Variants in SETBP1 observed in about 807,000 individuals in gnomAD.
The protein encoded by SETBP1 is SET-binding protein.
Under a neutral mutation model 101.0 loss-of-function variants are expected in SETBP1, and 9 were observed. That is an observed-to-expected ratio of 0.09 (90% CI 0.05 to 0.16). The LOEUF is 0.16. Among genes scored for constraint, SETBP1 ranks in the 10% least tolerant of loss-of-function variants. SETBP1 has a pLI of 1.00. For missense variants in SETBP1, 1,858 were observed against 2,033.8 expected, an observed-to-expected ratio of 0.91 and a Z score of 1.66; for synonymous variants, 818 against 788.5, an observed-to-expected ratio of 1.04 and a Z score of -0.63.
chr18:44,963,683 G>T (rs1188463024), intron 4 of SETBP1, among the ~76,000 whole-genome samples: 4 of 151,890 alleles, frequency 2.6e-5, no homozygotes, highest in Non-Finnish European at 5.9e-5. Flanking sequence ...GGGCCCAGGA[G>T]TTCAAAACCA....
intron 2 of SETBP1, among the ~76,000 whole-genome samples, chr18:44,816,344 G>C (rs1568161558): frequency 1.3e-5 from 2 of 152,194 alleles, no homozygotes; most frequent in Non-Finnish European, 2.9e-5. Flanking sequence ...GAAAGCCTGA[G>C]GGGCCAGGCT....
At chr18:45,056,337 G>T (rs1409152256) in intron 5 of SETBP1, among the ~76,000 whole-genome samples, 1 of 152,174 alleles carries the variant, frequency 6.6e-6, no homozygotes, top group Non-Finnish European at 1.5e-5. Context: ...CACCCTGAAA[G>T]CCAGTGAGAT....
chr18:44,842,891 A>G lies in SETBP1; in HGVS notation c.487-26339A>G, dbSNP rs149913171. The stretch of plus-strand genomic sequence containing the variant: ...GGATTTCCATTGGCTGTTTAGTCAC[A>G]ACCACTGGAAGATGCTGAGGTCATC... On this transcript the variant is annotated intron_variant, in intron 2 of 5. Transcript: ENST00000649279. Among the ~76,000 whole-genome samples the G allele has an allele frequency of 2.8e-3, 419 of 152,340 alleles. 2 individuals carry two copies. Among genetic ancestry groups the G allele is most frequent in the Non-Finnish European group, 4.2e-3 (287 of 68,030 alleles).
chr18:44,809,561 T>A (rs775902361), intron 2 of SETBP1, among the ~76,000 whole-genome samples: 1 of 152,172 alleles, frequency 6.6e-6, no homozygotes, highest in Non-Finnish European at 1.5e-5. Flanking sequence ...AAGTTACCCA[T>A]GGCCTTTAGT....
chr18:44,891,198 G>C (rs557313593), intron 3 of SETBP1, among the ~76,000 whole-genome samples: 1 of 152,176 alleles, frequency 6.6e-6, no homozygotes, highest in Admixed American at 6.5e-5. Flanking sequence ...ACCAGCATGA[G>C]AAAGGCCTGC....
chr18:44,766,775 C>T (rs2070770651), intron 2 of SETBP1, among the ~76,000 whole-genome samples: 2 of 151,902 alleles, frequency 1.3e-5, no homozygotes, highest in African/African-American at 2.4e-5. Context: ...AGTTCAAGGC[C>T]TGCCAAGGCA....
intron 1 of SETBP1, among the ~76,000 whole-genome samples, chr18:44,682,928 C>T (rs189070791): frequency 7.7e-4 from 117 of 152,004 alleles, no homozygotes; most frequent in Non-Finnish European, 6.8e-4. Flanking sequence ...AGCGAATGCA[C>T]CACCGGGAGC....
chr18:44,998,338 A>G (rs905330878), intron 4 of SETBP1, among the ~76,000 whole-genome samples: 3 of 152,208 alleles, frequency 2.0e-5, no homozygotes, highest in Admixed American at 6.5e-5. Context: ...CACTTGCCCC[A>G]TACTTGACTC....
intron 3 of SETBP1, among the ~76,000 whole-genome samples, chr18:44,902,855 A>T (rs1432200258): frequency 5.3e-5 from 8 of 152,082 alleles, no homozygotes; most frequent in Admixed American, 2.0e-4. Flanking sequence ...ATTGGTAATA[A>T]AAAGTTATTT....
chr18:44,878,169 A>G (rs899993546), intron 3 of SETBP1, among the ~76,000 whole-genome samples: 2 of 152,218 alleles, frequency 1.3e-5, no homozygotes, highest in Non-Finnish European at 2.9e-5. Context: ...TTTTTTCAGA[A>G]CAGAAATATA....
chr18:45,007,421 C>G (rs1023636577), intron 4 of SETBP1, among the ~76,000 whole-genome samples: 3 of 152,008 alleles, frequency 2.0e-5, no homozygotes, highest in Admixed American at 2.0e-4. Flanking sequence ...ATGCTTAAAG[C>G]CTCACTTTGA....
At position 45,067,724 on chromosome 18, in the gene SETBP1, T is replaced by C. The variant is rs2073987144; in HGVS notation, c.*4026T>C. ...ATACAAGGTCCTCTCTGCCTCTTGTTTCTTGGAGAGTTCACCCCACTGATG... is the reference window on the plus strand; with the variant it reads ...ATACAAGGTCCTCTCTGCCTCTTGTCTCTTGGAGAGTTCACCCCACTGATG... On this transcript the variant is annotated 3_prime_UTR_variant, in exon 6 of 6. Transcript: ENST00000649279. 6.6e-6 allele frequency: 1 copy of C among 152,220 alleles called. No homozygotes were observed. The highest frequency in any genetic ancestry group is 1.5e-5 in the Non-Finnish European group (1 of 68,038). The allele number at this position is 152,220 out of a possible 1,614,324, so 9.4% of individuals were successfully genotyped here.
chr18:44,823,915 A>G (rs1001418645), intron 2 of SETBP1, among the ~76,000 whole-genome samples: 1 of 152,188 alleles, frequency 6.6e-6, no homozygotes. Context: ...TTAAGAGAAA[A>G]CAATAGTTGG....
rs113719635 is a variant in SETBP1 at position 45,015,081 on chromosome 18, G to A, written c.4001-23404G>A. Reference sequence around the variant, plus strand: ...GCCAGGGCTTGGGGAGGATGTTCTTGGAGCTAGATCAACTTGCCCTAGATT... The same window carrying A: ...GCCAGGGCTTGGGGAGGATGTTCTTAGAGCTAGATCAACTTGCCCTAGATT... On this transcript the variant is annotated intron_variant, in intron 4 of 5. Coordinates refer to ENST00000649279, the MANE Select transcript of SETBP1 (RefSeq NM_015559.3). Among the ~76,000 whole-genome samples the A allele has an allele frequency of 5.2e-3, 798 of 152,274 alleles. 9 individuals are homozygous for A. The highest frequency in any genetic ancestry group is 0.018 in the African/African-American group (744 of 41,562).
intron 4 of SETBP1, among the ~76,000 whole-genome samples, chr18:45,002,185 A>G (rs1294188675): frequency 6.6e-6 from 1 of 152,174 alleles, no homozygotes; most frequent in Non-Finnish European, 1.5e-5. Flanking sequence ...AAAACAGGCC[A>G]AAACAGAGCA....
intron 2 of SETBP1, among the ~76,000 whole-genome samples, chr18:44,787,978 A>G (rs1379944146): frequency 1.3e-5 from 2 of 150,274 alleles, no homozygotes; most frequent in African/African-American, 2.4e-5. Flanking sequence ...ACTTATTTGG[A>G]CTTGTATACA....
At chr18:45,016,468 C>T (rs996184254) in intron 4 of SETBP1, among the ~76,000 whole-genome samples, 5 of 152,130 alleles carry the variant, frequency 3.3e-5, no homozygotes, top group Non-Finnish European at 5.9e-5. Context: ...TTCCCTGTCG[C>T]GGCGGAACCT....
intron 4 of SETBP1, among the ~76,000 whole-genome samples, chr18:44,994,674 G>A (rs974383942): frequency 8.5e-5 from 13 of 152,174 alleles, no homozygotes; most frequent in Non-Finnish European, 4.4e-5. Context: ...TATGTACATG[G>A]TGGAATATCC....
intron 2 of SETBP1, among the ~76,000 whole-genome samples, chr18:44,779,556 A>C (rs1211158181): frequency 6.6e-6 from 1 of 152,144 alleles, no homozygotes; most frequent in Non-Finnish European, 1.5e-5. Context: ...CACTGGGGAC[A>C]AACAGTTGGC....
Sources: allele counts gnomAD v4.1 joint callset (sites outside exome capture counted in the v4.1 genomes callset), GRCh38; gene constraint gnomAD v4.1.1; transcripts MANE v1.5; gene names NCBI Gene and HGNC (gene_info 2026-07-23, HGNC 2026-07-21).